Variants in EFCAB11 observed in about 807,000 individuals in gnomAD.
EFCAB11 encodes the protein EF-hand calcium-binding domain-containing protein 11.
EFCAB11 carries 14 observed loss-of-function variants against 23.0 expected under a neutral mutation model. The ratio of observed to expected loss-of-function variants is 0.61; its 90% CI spans 0.40 to 0.95. EFCAB11 has a LOEUF of 0.95. Ranked by LOEUF, EFCAB11 falls within the 40% of genes least tolerant of loss-of-function variation. The pLI, the probability that EFCAB11 is intolerant of heterozygous loss-of-function variation, is 0.00. For synonymous variants in EFCAB11, 65 were observed against 66.6 expected, an observed-to-expected ratio of 0.98 and a Z score of 0.11; for missense variants, 198 against 195.8, an observed-to-expected ratio of 1.01 and a Z score of -0.07.
intron 5 of EFCAB11, among the ~76,000 whole-genome samples, chr14:89,911,687 CATT>C (rs540261324): frequency 2.6e-5 from 4 of 152,238 alleles, no homozygotes; most frequent in Non-Finnish European, 5.9e-5. Flanking sequence ...CACCAGCAAT[CATT>C]GTGTGAGCCT....
intron 5 of EFCAB11, among the ~76,000 whole-genome samples, chr14:89,886,846 G>A (rs973318464): frequency 2.6e-5 from 4 of 152,154 alleles, no homozygotes; most frequent in African/African-American, 9.7e-5. Context: ...AGCCCAAAGA[G>A]TCAGAAAATT....
intron 5 of EFCAB11, among the ~76,000 whole-genome samples, chr14:89,816,090 A>AT (rs1167304795): frequency 2.0e-5 from 3 of 151,730 alleles, no homozygotes; most frequent in African/African-American, 7.3e-5. Flanking sequence ...CCTTATAGAG[A>AT]TTTTTTATTT....
chr14:89,882,281 T>C (rs189256591), intron 5 of EFCAB11, among the ~76,000 whole-genome samples: 28 of 152,358 alleles, frequency 1.8e-4, no homozygotes, highest in Non-Finnish European at 3.2e-4. Flanking sequence ...TATTTGTTTC[T>C]GTTAAGGGTG....
intron 5 of EFCAB11, among the ~76,000 whole-genome samples, chr14:89,825,878 G>A (rs960266983): frequency 6.6e-6 from 1 of 152,098 alleles, no homozygotes; most frequent in African/African-American, 2.4e-5. Context: ...TGCTTGCAAT[G>A]TTTTATAACT....
At chr14:89,806,787 T>C (rs1260819182) in intron 5 of EFCAB11, among the ~76,000 whole-genome samples, 1 of 152,186 alleles carries the variant, frequency 6.6e-6, no homozygotes, top group Admixed American at 6.5e-5. Flanking sequence ...CTAGGCTAGA[T>C]GATTGCTAAG....
intron 5 of EFCAB11, among the ~76,000 whole-genome samples, chr14:89,810,761 A>AC (rs966447473): frequency 6.6e-6 from 1 of 151,456 alleles, no homozygotes; most frequent in African/African-American, 2.4e-5. Flanking sequence ...GTCTCAAAAA[A>AC]AAAAAAAAAA....
chr14:89,854,310 G>A (rs1419619239), intron 5 of EFCAB11, among the ~76,000 whole-genome samples: 2 of 152,042 alleles, frequency 1.3e-5, no homozygotes, highest in Non-Finnish European at 2.9e-5. Context: ...TGACCCATAG[G>A]AGAGCTGGGC....
intron 5 of EFCAB11, among the ~76,000 whole-genome samples, chr14:89,877,289 C>T (rs957194278): frequency 2.0e-5 from 3 of 152,120 alleles, no homozygotes; most frequent in Non-Finnish European, 4.4e-5. Context: ...CTGCCCGCCT[C>T]GGCCTCCCAA....
chr14:89,870,977 G>A (rs569107321), intron 5 of EFCAB11, among the ~76,000 whole-genome samples: 6 of 152,130 alleles, frequency 3.9e-5, no homozygotes, highest in Middle Eastern at 3.4e-3. Context: ...CATAGCTCCC[G>A]CTGTGTTCCT....
intron 5 of EFCAB11, among the ~76,000 whole-genome samples, chr14:89,909,949 C>A (rs1321732681): frequency 3.3e-5 from 5 of 152,130 alleles, no homozygotes; most frequent in Non-Finnish European, 7.4e-5. Flanking sequence ...GCCTTGGTGC[C>A]CCCTCCCCAG....
intron 5 of EFCAB11, among the ~76,000 whole-genome samples, chr14:89,906,422 G>A (rs772042290): frequency 9.2e-5 from 14 of 152,028 alleles, no homozygotes; most frequent in African/African-American, 3.1e-4. Context: ...GGGTTTGGGC[G>A]ATTTATAGCT....
intron 3 of EFCAB11, among the ~76,000 whole-genome samples, chr14:89,936,467 C>T (rs72697369): frequency 0.016 from 2,383 of 152,262 alleles, 21 homozygotes; most frequent in Non-Finnish European, 0.023. Flanking sequence ...AAAAGGAAAA[C>T]CCATCCAATA....
At chr14:89,814,755 A>AT (rs1886275039) in intron 5 of EFCAB11, among the ~76,000 whole-genome samples, 1 of 152,016 alleles carries the variant, frequency 6.6e-6, no homozygotes, top group African/African-American at 2.4e-5. Flanking sequence ...AGATGGGAAA[A>AT]TGGAGGCTCA....
At chr14:89,899,404 A>C (rs1206305650) in intron 5 of EFCAB11, among the ~76,000 whole-genome samples, 1 of 152,218 alleles carries the variant, frequency 6.6e-6, no homozygotes, top group Non-Finnish European at 1.5e-5. Context: ...GTAACACTAC[A>C]CACATGCTCT....
intron 5 of EFCAB11, among the ~76,000 whole-genome samples, chr14:89,885,576 C>T (rs1888728028): frequency 1.3e-5 from 2 of 151,566 alleles, no homozygotes; most frequent in Non-Finnish European, 2.9e-5. Context: ...TACTTGGAGG[C>T]TGGGGCAGAA....
At chr14:89,927,103 T>C (rs907999737) in intron 5 of EFCAB11, among the ~76,000 whole-genome samples, 10 of 152,368 alleles carry the variant, frequency 6.6e-5, no homozygotes, top group African/African-American at 2.2e-4. Context: ...TCAGAATTAA[T>C]GAATGATACA....
chr14:89,872,107 A>T (rs1888290690), intron 5 of EFCAB11, among the ~76,000 whole-genome samples: 1 of 152,234 alleles, frequency 6.6e-6, no homozygotes. Context: ...ACAGAATGAC[A>T]AAAGTCTGTA....
rs566448094 is a variant in EFCAB11, at chr14:89,933,190, A to T, written c.218-563T>A. 2.6e-5 allele frequency among the ~76,000 whole-genome samples: 4 copies of T among 152,352 alleles called. No individual in the cohort carries two copies. In the South Asian group the frequency reaches 8.3e-4, roughly 32 times the overall value. On this transcript the variant is annotated intron_variant, in intron 3 of 5. Transcript: ENST00000316738. ...CCTGGATACGCCCCACAACGTGTGG[A>T]GCAGCCTCAGGCTCAGCTTCCTGCG...
At chr14:89,806,136 G>T (rs1266611490) in intron 5 of EFCAB11, among the ~76,000 whole-genome samples, 3 of 152,048 alleles carry the variant, frequency 2.0e-5, no homozygotes, top group East Asian at 3.9e-4. Context: ...AAGAAAAAAG[G>T]AAAAATGGAT....
Sources: allele counts gnomAD v4.1 joint callset (sites outside exome capture counted in the v4.1 genomes callset), GRCh38; gene constraint gnomAD v4.1.1; transcripts MANE v1.5; gene names NCBI Gene and HGNC (gene_info 2026-07-23, HGNC 2026-07-21).